The following KLHL14 variants were observed in gnomAD, a reference collection of about 807,000 sequenced individuals.
The protein encoded by KLHL14 is kelch like family member 14.
In KLHL14, 22 loss-of-function variants were observed where a neutral mutation model predicts 64.3. The observed-to-expected ratio is 0.34, with a 90% CI of 0.24 to 0.49. The LOEUF is 0.49. Ranked by LOEUF, KLHL14 falls within the 20% of genes least tolerant of loss-of-function variation. The probability of loss-of-function intolerance (pLI) is 0.99; values close to 1 mark genes in which losing one functional copy is unlikely to be tolerated. For synonymous variants in KLHL14, 322 were observed against 333.4 expected, an observed-to-expected ratio of 0.97 and a Z score of 0.37; for missense variants, 661 against 789.0, an observed-to-expected ratio of 0.84 and a Z score of 1.94.
intron 3 of KLHL14, among the ~76,000 whole-genome samples, chr18:32,701,083 T>C (rs2049964228): frequency 6.6e-6 from 1 of 152,190 alleles, no homozygotes; most frequent in South Asian, 2.1e-4. Flanking sequence ...GGCATTATCG[T>C]CCACTGAATT....
intron 3 of KLHL14, among the ~76,000 whole-genome samples, chr18:32,739,761 C>T (rs984596527): frequency 6.6e-6 from 1 of 151,840 alleles, no homozygotes; most frequent in African/African-American, 2.4e-5. Flanking sequence ...ATTATTAAAT[C>T]TAACATGTGA....
chr18:32,712,600 G>A (rs12969727), intron 3 of KLHL14, among the ~76,000 whole-genome samples: 43,474 of 151,912 alleles, frequency 0.29, 6,431 homozygotes, highest in African/African-American at 0.34. Context: ...TGCTATATTG[G>A]TCACTTTTAA....
At chr18:32,716,826 T>A (rs951036221) in intron 3 of KLHL14, among the ~76,000 whole-genome samples, 2 of 152,260 alleles carry the variant, frequency 1.3e-5, no homozygotes, top group Non-Finnish European at 2.9e-5. Flanking sequence ...GTTTATATTT[T>A]TATTTTTTCA....
chr18:32,697,706 A>G (rs2049943751), intron 3 of KLHL14, among the ~76,000 whole-genome samples: 1 of 152,206 alleles, frequency 6.6e-6, no homozygotes, highest in Non-Finnish European at 1.5e-5. Flanking sequence ...AGTGAAGGAA[A>G]TAATACATGA....
chr18:32,742,493 A>G (rs1020586572), intron 2 of KLHL14, among the ~76,000 whole-genome samples: 1 of 152,228 alleles, frequency 6.6e-6, no homozygotes, highest in Non-Finnish European at 1.5e-5. Flanking sequence ...GGAGTTTGTG[A>G]GCCAACTCTT....
chr18:32,763,577 GC>G (rs1568085759), intron 2 of KLHL14, among the ~76,000 whole-genome samples: 1 of 152,132 alleles, frequency 6.6e-6, no homozygotes, highest in East Asian at 1.9e-4. Flanking sequence ...CTTAAAGGGT[GC>G]TGTAAAGATT....
chr18:32,762,561 A>G (rs964152797), intron 2 of KLHL14, among the ~76,000 whole-genome samples: 3 of 152,054 alleles, frequency 2.0e-5, no homozygotes, highest in Non-Finnish European at 4.4e-5. Context: ...CTAGTGTTGC[A>G]AATAGTTCTA....
At chr18:32,736,386 G>C (rs565917006) in intron 3 of KLHL14, among the ~76,000 whole-genome samples, 1 of 152,188 alleles carries the variant, frequency 6.6e-6, no homozygotes, top group Admixed American at 6.5e-5. Context: ...TATTTAAAAA[G>C]TCCAAACACA....
chr18:32,769,534 AGCCACCCGCCCAG>A (rs2050365242), intron 2 of KLHL14, 98 bp downstream of exon 2: 1 of 971,750 alleles, frequency 1.0e-6, no homozygotes, highest in Non-Finnish European at 1.5e-6. Flanking sequence ...ATCCTGCCAG[AGCCACCCGCCCAG>A]GCCACCCATC....
At chr18:32,744,738 T>A (rs549125410) in intron 2 of KLHL14, 3 of 152,268 alleles carry the variant, frequency 2.0e-5, no homozygotes, top group African/African-American at 7.2e-5. Flanking sequence ...AAGAGGAACT[T>A]CCCTAGACAA....
At chr18:32,697,600 T>C (rs536255124) in intron 3 of KLHL14, among the ~76,000 whole-genome samples, 51 of 152,262 alleles carry the variant, frequency 3.3e-4, no homozygotes, top group Admixed American at 2.8e-3. Context: ...AAAACAGAAG[T>C]CCAGCTTCAT....
chr18:32,750,173 T>G (rs1311158370), intron 2 of KLHL14, among the ~76,000 whole-genome samples: 2 of 151,808 alleles, frequency 1.3e-5, no homozygotes, highest in African/African-American at 4.8e-5. Flanking sequence ...ATCTTACTGG[T>G]GATTAGGGTT....
intron 2 of KLHL14, chr18:32,743,906 A>G (rs375602526): frequency 6.6e-6 from 1 of 152,238 alleles, no homozygotes; most frequent in African/African-American, 2.4e-5. Context: ...TAGCCCAAAT[A>G]ACCACTCTGT....
intron 4 of KLHL14, among the ~76,000 whole-genome samples, chr18:32,691,738 A>T (rs2049908733): frequency 1.3e-5 from 2 of 152,224 alleles, no homozygotes; most frequent in Non-Finnish European, 2.9e-5. Context: ...TGCTACCAGC[A>T]GCTTGAGAGT....
intron 3 of KLHL14, among the ~76,000 whole-genome samples, chr18:32,721,153 C>A (rs9954988): frequency 0.24 from 36,653 of 152,164 alleles, 4,622 homozygotes; most frequent in Middle Eastern, 0.32. Flanking sequence ...TTTTTGAGCA[C>A]TTCAGTAATC....
intron 3 of KLHL14, among the ~76,000 whole-genome samples, chr18:32,702,616 A>C (rs1439116856): frequency 6.6e-6 from 1 of 152,084 alleles, no homozygotes; most frequent in Non-Finnish European, 1.5e-5. Context: ...AAGCTCTGCT[A>C]CTTTTTTTCT....
At chr18:32,695,383 T>C in intron 4 of KLHL14, 80 bp downstream of exon 4, 1 of 872,066 alleles carries the variant, frequency 1.1e-6, no homozygotes, top group Non-Finnish European at 1.9e-6. Flanking sequence ...TCCACACTAA[T>C]TACAAAATGG....
chr18:32,772,317 C>T (rs2050394192), intron 1 of KLHL14: 2 of 293,316 alleles, frequency 6.8e-6, no homozygotes, highest in Admixed American at 3.3e-5. Flanking sequence ...GCGCTCCCTC[C>T]GCCGGCAGCA....
At chr18:32,705,386 C>A (rs2049985064) in intron 3 of KLHL14, among the ~76,000 whole-genome samples, 1 of 152,190 alleles carries the variant, frequency 6.6e-6, no homozygotes, top group African/African-American at 2.4e-5. Flanking sequence ...ACAGTGTACC[C>A]TATACATTAT....
Sources: gnomAD v4.1 joint callset for allele counts (sites outside exome capture counted in the v4.1 genomes callset) on GRCh38, gnomAD v4.1.1 for gene constraint, MANE v1.5 for transcripts, NCBI Gene and HGNC (gene_info 2026-07-23, HGNC 2026-07-21) for gene names.